The following ANKS1B variants were observed in gnomAD, a reference collection of about 807,000 sequenced individuals.
ANKS1B encodes the protein ankyrin repeat and sterile alpha motif domain-containing protein 1B.
ANKS1B carries 36 observed loss-of-function variants against 148.3 expected under a neutral mutation model. The ratio of observed to expected loss-of-function variants is 0.24; its 90% confidence interval spans 0.19 to 0.32. The LOEUF (loss-of-function observed/expected upper bound fraction) is 0.32, where lower values mean the gene tolerates loss of function less well. ANKS1B is among the 10% of genes least tolerant of loss of function. The probability of loss-of-function intolerance (pLI) is 1.00; values close to 1 mark genes in which losing one functional copy is unlikely to be tolerated. For synonymous variants in ANKS1B, 542 were observed against 560.8 expected, an observed-to-expected ratio of 0.97 and a Z score of 0.47; for missense variants, 1,157 against 1,542.6, an observed-to-expected ratio of 0.75 and a Z score of 4.19.
Position 99,407,630 on chromosome 12 carries a change from T to C in ANKS1B, c.1576-7819A>G, listed in dbSNP as rs1297173797. On this transcript the variant is annotated intron_variant, in intron 11 of 26. Transcript: ENST00000683438. The stretch of plus-strand genomic sequence containing the variant: ...ACCTAAAGATTCTACCAAAAAACTA[T>C]TAGAACTGATAAATTCAGTAAAGTT... Among the ~76,000 whole-genome samples, 3 of 146,108 alleles carry C rather than the reference T, an allele frequency of 2.1e-5. 1 individual carries two copies. Among genetic ancestry groups the C allele is most frequent in the Non-Finnish European group, 3.0e-5 (2 of 66,046 alleles).
At chr12:99,222,260 A>G (rs1230900425) in intron 14 of ANKS1B, among the ~76,000 whole-genome samples, 1 of 152,212 alleles carries the variant, frequency 6.6e-6, no homozygotes, top group Admixed American at 6.5e-5. Flanking sequence ...CTGAGGTAAT[A>G]GGTATTATAG....
intron 9 of ANKS1B, among the ~76,000 whole-genome samples, chr12:99,587,191 A>G (rs1327310187): frequency 6.6e-6 from 1 of 152,220 alleles, no homozygotes; most frequent in Non-Finnish European, 1.5e-5. Flanking sequence ...CCTGCCACAT[A>G]CATGAAGTAT....
At chr12:99,240,478 C>T (rs1483260975) in intron 14 of ANKS1B, among the ~76,000 whole-genome samples, 2 of 151,976 alleles carry the variant, frequency 1.3e-5, no homozygotes, top group African/African-American at 2.4e-5. Context: ...ACTTTAACAC[C>T]CCACTGCCAA....
chr12:98,856,570 C>T (rs1320946209), intron 17 of ANKS1B, among the ~76,000 whole-genome samples: 1 of 152,180 alleles, frequency 6.6e-6, no homozygotes, highest in African/African-American at 2.4e-5. Context: ...GAGTTGGGTG[C>T]AGCCTTAATA....
chr12:99,429,869 CAGGA>C (rs2095336081), intron 11 of ANKS1B, among the ~76,000 whole-genome samples: 1 of 151,988 alleles, frequency 6.6e-6, no homozygotes, highest in African/African-American at 2.4e-5. Context: ...GCAGCTGAGG[CAGGA>C]GAATGACGTG....
At chr12:99,332,494 GGCATTGTCCCT>G (rs758838837) in intron 12 of ANKS1B, among the ~76,000 whole-genome samples, 1 of 151,860 alleles carries the variant, frequency 6.6e-6, no homozygotes, top group Non-Finnish European at 1.5e-5. Context: ...GGATAAATAT[GGCATTGTCCCT>G]GCCCTTAATT....
intron 17 of ANKS1B, among the ~76,000 whole-genome samples, chr12:99,038,921 A>G (rs1036854053): frequency 2.6e-5 from 4 of 152,160 alleles, no homozygotes; most frequent in African/African-American, 9.7e-5. Flanking sequence ...GTTTCCTTAT[A>G]GTATGTGCCA....
intron 12 of ANKS1B, among the ~76,000 whole-genome samples, chr12:99,370,269 C>G (rs2093054329): frequency 6.6e-6 from 1 of 152,186 alleles, no homozygotes; most frequent in East Asian, 1.9e-4. Flanking sequence ...ATCTAGAGTG[C>G]TTGGCCATGA....
intron 1 of ANKS1B, among the ~76,000 whole-genome samples, chr12:99,940,866 AG>A (rs1279537185): frequency 6.6e-6 from 1 of 152,170 alleles, no homozygotes; most frequent in Non-Finnish European, 1.5e-5. Context: ...TCACAGAGGA[AG>A]GGGCATTTAA....
At chr12:98,895,108 G>C (rs2099762098) in intron 17 of ANKS1B, 3 of 984,742 alleles carry the variant, frequency 3.0e-6, no homozygotes, top group Non-Finnish European at 2.4e-6. Flanking sequence ...GGGAGGTGTC[G>C]GCTTGGCCGC....
chr12:99,141,453 G>A (rs888331655), intron 15 of ANKS1B, among the ~76,000 whole-genome samples: 17 of 146,890 alleles, frequency 1.2e-4, no homozygotes, highest in African/African-American at 4.3e-4. Flanking sequence ...TAGGGTATAT[G>A]TATAGGATGT....
rs760884190 is a variant in ANKS1B at position 99,779,899 on chromosome 12, T to C, written c.819A>G (p.Lys273=). The C allele has an allele frequency of 1.1e-5, 18 of 1,612,742 alleles. No homozygotes were observed. Among genetic ancestry groups the C allele is most frequent in the South Asian group, 2.2e-5 (2 of 90,854 alleles). ...LDILKEHPSQ[K]SLQIATLLQE... ...GTAAGAGTGTTGCAATCTGGAGAGA[T>C]TTCTGAGATGGATGTTCTTTCAGAA... Residue 273 remains lysine, a synonymous_variant, in exon 6 of 27, where the codon AAA becomes AAG. Transcript: ENST00000683438.
At chr12:98,934,216 C>T (rs1261168956) in intron 17 of ANKS1B, among the ~76,000 whole-genome samples, 3 of 152,022 alleles carry the variant, frequency 2.0e-5, no homozygotes, top group Non-Finnish European at 2.9e-5. Flanking sequence ...TTGTATGTCA[C>T]GTCCAGTCTT....
At chr12:99,572,442 T>C (rs953683713) in intron 9 of ANKS1B, among the ~76,000 whole-genome samples, 2 of 152,052 alleles carry the variant, frequency 1.3e-5, no homozygotes, top group African/African-American at 4.8e-5. Flanking sequence ...CTCTGCAAAC[T>C]TGGCTCTAGA....
At chr12:98,797,692 T>C (rs1015786759) in intron 22 of ANKS1B, among the ~76,000 whole-genome samples, 1 of 152,188 alleles carries the variant, frequency 6.6e-6, no homozygotes, top group African/African-American at 2.4e-5. Flanking sequence ...AAAATATTAG[T>C]GATTACATAT....
intron 16 of ANKS1B, among the ~76,000 whole-genome samples, chr12:99,062,612 T>A (rs2042809028): frequency 6.6e-6 from 1 of 151,906 alleles, no homozygotes; most frequent in African/African-American, 2.4e-5. Flanking sequence ...CACAAATAGG[T>A]CATCGGAAAT....
chr12:99,969,338 C>T (rs1175278615), intron 1 of ANKS1B, among the ~76,000 whole-genome samples: 1 of 152,010 alleles, frequency 6.6e-6, no homozygotes, highest in African/African-American at 2.4e-5. Flanking sequence ...GCTACCACAC[C>T]CAGCTATTTT....
At chr12:99,622,708 A>T (rs778366436) in intron 9 of ANKS1B, among the ~76,000 whole-genome samples, 6 of 152,046 alleles carry the variant, frequency 3.9e-5, no homozygotes, top group African/African-American at 7.2e-5. Context: ...AAGAAACTGA[A>T]ACCCTAAACA....
intron 1 of ANKS1B, among the ~76,000 whole-genome samples, chr12:99,944,599 C>T (rs2095009610): frequency 6.6e-6 from 1 of 152,218 alleles, no homozygotes; most frequent in Admixed American, 6.5e-5. Flanking sequence ...GGGTGCTGGA[C>T]TCGCAGGCAA....
Sources: gnomAD v4.1 joint callset for allele counts (sites outside exome capture counted in the v4.1 genomes callset) on GRCh38, gnomAD v4.1.1 for gene constraint, MANE v1.5 for transcripts, NCBI Gene and HGNC (gene_info 2026-07-23, HGNC 2026-07-21) for gene names.